The following PRDM1 variants were observed in gnomAD, a reference collection of about 807,000 sequenced individuals.
PRDM1 encodes PR/SET domain 1.
PRDM1 carries 13 observed loss-of-function variants against 62.8 expected under a neutral mutation model. That is an observed-to-expected ratio of 0.21 (90% CI 0.13 to 0.33). The LOEUF (loss-of-function observed/expected upper bound fraction) is 0.33. Among genes scored for constraint, PRDM1 ranks in the 10% least tolerant of loss-of-function variants. The probability of loss-of-function intolerance (pLI) is 1.00; values close to 1 mark genes in which losing one functional copy is unlikely to be tolerated. For missense variants in PRDM1, 895 were observed against 1,058.8 expected (o/e 0.85, Z 2.15); for synonymous variants, 396 against 417.6 (o/e 0.95, Z 0.63).
At chr6:106,071,415 A>G (rs1352625854) in intron 1 of PRDM1, among the ~76,000 whole-genome samples, 1 of 152,210 alleles carries the variant, frequency 6.6e-6, no homozygotes. Flanking sequence ...ACACATACAT[A>G]CATACATACA....
chr6:106,104,737 GT>G, intron 4 of PRDM1, 87 bp from the exon 5 acceptor site: 2 of 1,452,750 alleles, frequency 1.4e-6, no homozygotes, highest in Non-Finnish European at 1.9e-6. Flanking sequence ...TGTTACTCAG[GT>G]TTTCTCAAGA....
chr6:106,088,932 C>T (rs528005665), intron 2 of PRDM1, among the ~76,000 whole-genome samples: 7 of 152,290 alleles, frequency 4.6e-5, no homozygotes, highest in Non-Finnish European at 1.0e-4. Flanking sequence ...AAAACTTTGA[C>T]GTGTTTATGA....
At chr6:106,098,387 G>T (rs1378417534) in intron 3 of PRDM1, 1 of 985,264 alleles carries the variant, frequency 1.0e-6, no homozygotes, top group Non-Finnish European at 1.2e-6. Context: ...CAAGTAGCCT[G>T]AGTGCATCTG....
chr6:106,009,085 C>G (rs1321310158), intron 1 of PRDM1, among the ~76,000 whole-genome samples: 4 of 152,210 alleles, frequency 2.6e-5, no homozygotes, highest in Non-Finnish European at 1.5e-5. Flanking sequence ...CTCACGCCCC[C>G]TTCTGTCTTA....
In PRDM1 at chr6:106,014,911, G is replaced by A. The variant is rs574728377; in HGVS notation, c.-67+21272G>A. 1.4e-3 allele frequency among the ~76,000 whole-genome samples: 210 copies of A among 152,268 alleles called. 2 individuals are homozygous for A. Among genetic ancestry groups the A allele is most frequent in the African/African-American group, 4.9e-3 (203 of 41,548 alleles). ...TTTGCTTTGTCTTGCTTGTCTTTCT[G>A]TGAGATGGGGGTGAGGAGAGAGAAC... On this transcript the variant is annotated intron_variant, in intron 1 of 6. Transcript: ENST00000652320.
chr6:106,072,513 A>C (rs1773534930), intron 1 of PRDM1, among the ~76,000 whole-genome samples: 1 of 152,216 alleles, frequency 6.6e-6, no homozygotes, highest in African/African-American at 2.4e-5. Flanking sequence ...GAAGGGAAGA[A>C]TATATATAGA....
At chr6:106,076,825 A>T (rs1773612304) in intron 1 of PRDM1, among the ~76,000 whole-genome samples, 1 of 152,234 alleles carries the variant, frequency 6.6e-6, no homozygotes, top group South Asian at 2.1e-4. Flanking sequence ...TGTTTTGTTA[A>T]TTGCTCTAGT....
Position 106,031,042 on chromosome 6 carries a change from A to G in PRDM1, c.-67+37403A>G, listed in dbSNP as rs6916860. 8.3e-3 allele frequency among the ~76,000 whole-genome samples: 1,179 copies of G among 142,254 alleles called. 18 individuals carry two copies. Among genetic ancestry groups the G allele is most frequent in the African/African-American group, 0.03 (1,136 of 38,192 alleles). The allele number at this position is 142,254 out of a possible 152,430, so 93.3% of individuals were successfully genotyped here. A position where few individuals can be genotyped will look rare whatever the true frequency, so the allele number is the denominator to read the frequency against. On this transcript the variant is annotated intron_variant, in intron 1 of 6. Coordinates refer to the PRDM1 transcript ENST00000652320. ...TTTTTTTTCTTCATAGTGAATATGC[A>G]TTGCTTTTATAGTAATAAAAAAGTT... is the stretch of plus-strand genomic sequence containing the variant.
rs1385182753 is a variant in PRDM1, at chr6:106,104,953, G to A, written c.793G>A (p.Asp265Asn). 1.2e-6 allele frequency: 2 copies of A among 1,614,068 alleles called. No homozygotes were observed. The highest frequency in any genetic ancestry group is 1.7e-6 in the Non-Finnish European group (2 of 1,180,018). Residue 265 changes from aspartate to asparagine, a missense_variant, in exon 5 of 7, where the codon GAC becomes AAC. By Grantham distance (23) the Asp-to-Asn change is conservative. Transcript: ENST00000369096. ...KLDSNPSKGKDLYRSNISPLT... is the reference protein window; with the variant it reads ...KLDSNPSKGKNLYRSNISPLT... ...GGACTCCAACCCCTCCAAAGGAAAG[G>A]ACCTCTACCGTTCTAACATTTCACC...
At chr6:106,068,751 TG>T (rs1419173233) in intron 1 of PRDM1, among the ~76,000 whole-genome samples, 1 of 152,232 alleles carries the variant, frequency 6.6e-6, no homozygotes, top group East Asian at 1.9e-4. Flanking sequence ...TCATGTCATC[TG>T]CAAAGAAAAG....
In PRDM1 at chr6:106,000,081, G is replaced by C. The variant is rs560481261; in HGVS notation, c.-67+6442G>C. ...AGCCAGGATGGTCTCGATCTCCTGA[G>C]CTCGTGATCTGCCCGCCTTGGCCTC... On this transcript the variant is annotated intron_variant, in intron 1 of 6. Coordinates refer to the PRDM1 transcript ENST00000652320. 5.3e-5 allele frequency among the ~76,000 whole-genome samples: 8 copies of C among 152,208 alleles called. No homozygotes were observed. The South Asian group carries it at 8.3e-4, about 16-fold the overall frequency.
intron 1 of PRDM1, among the ~76,000 whole-genome samples, chr6:106,066,911 G>A (rs1346020531): frequency 1.3e-5 from 2 of 152,146 alleles, no homozygotes; most frequent in Admixed American, 6.5e-5. Flanking sequence ...AACCATACCT[G>A]TGGACATAGT....
At chr6:106,076,424 G>A (rs140218736) in intron 1 of PRDM1, among the ~76,000 whole-genome samples, 3 of 152,280 alleles carry the variant, frequency 2.0e-5, no homozygotes, top group East Asian at 1.9e-4. Context: ...ATTTGAAATC[G>A]TAGTATTTTG....
intron 1 of PRDM1, among the ~76,000 whole-genome samples, chr6:105,997,123 G>C (rs745695446): frequency 1.6e-4 from 24 of 152,204 alleles, no homozygotes; most frequent in Non-Finnish European, 3.4e-4. Context: ...AAGGACAGGG[G>C]TAAAAAGTGG....
chr6:106,088,797 T>C (rs562339726), intron 2 of PRDM1, among the ~76,000 whole-genome samples: 1 of 152,350 alleles, frequency 6.6e-6, no homozygotes, highest in African/African-American at 2.4e-5. Flanking sequence ...CAATATCTCT[T>C]AAGGGAGAAA....
chr6:106,087,749 G>A, intron 1 of PRDM1: 1 of 233,282 alleles, frequency 4.3e-6, no homozygotes, highest in Non-Finnish European at 8.5e-6. Flanking sequence ...TCCATTTTTA[G>A]CTTCATTCAG....
At position 106,105,678 on chromosome 6, in the gene PRDM1, G is replaced by A. The variant is rs1774458177; in HGVS notation, c.1518G>A (p.Lys506=). 2.5e-6 allele frequency: 4 copies of A among 1,613,098 alleles called. No individual in the cohort carries two copies. Among genetic ancestry groups the A allele is most frequent in the African/African-American group, 2.7e-5 (2 of 74,922 alleles). The part of the protein sequence containing the change: ...FSFTGAAASM[K]DKACSPTSGS... ...TTACCGGGGCCGCCGCCAGCATGAA[G>A]GACAAGGCCTGTAGCCCCACAAGCG... The change falls in exon 5 of 7, where the codon AAG becomes AAA. Residue 506 remains lysine, a synonymous_variant. Coordinates refer to ENST00000369096, the MANE Select transcript of PRDM1 (RefSeq NM_001198.4).
chr6:105,998,062 G>C (rs1157077129), intron 1 of PRDM1, among the ~76,000 whole-genome samples: 1 of 152,194 alleles, frequency 6.6e-6, no homozygotes. Flanking sequence ...CAGGGAGTTT[G>C]AATAAATGAA....
At chr6:106,042,137 T>A (rs1773005835) in intron 1 of PRDM1, among the ~76,000 whole-genome samples, 1 of 151,884 alleles carries the variant, frequency 6.6e-6, no homozygotes, top group Non-Finnish European at 1.5e-5. Context: ...AAAACATTTT[T>A]AAATGTTTTG....
Sources: allele counts gnomAD v4.1 joint callset (sites outside exome capture counted in the v4.1 genomes callset), GRCh38; gene constraint gnomAD v4.1.1; transcripts MANE v1.5; gene names NCBI Gene and HGNC (gene_info 2026-07-23, HGNC 2026-07-21).